RSRC2: variants seen among roughly 807,000 people sequenced by gnomAD.
RSRC2 encodes the protein arginine and serine rich coiled-coil 2.
A neutral mutation model predicts 61.3 loss-of-function variants in RSRC2; 5 were observed. The ratio of observed to expected loss-of-function variants is 0.08; its 90% CI spans 0.04 to 0.17. RSRC2 has a LOEUF of 0.17. Among genes scored for constraint, RSRC2 ranks in the 10% least tolerant of loss-of-function variants. The pLI, the probability that RSRC2 is intolerant of heterozygous loss-of-function variation, is 1.00. For synonymous variants in RSRC2, 202 were observed against 166.5 expected (o/e 1.21, Z -1.64); for missense variants, 381 against 518.8 (o/e 0.73, Z 2.58).
intron 1 of RSRC2, chr12:122,523,282 G>C (rs1959507678): frequency 6.6e-6 from 1 of 152,216 alleles, no homozygotes; most frequent in Non-Finnish European, 1.5e-5. Flanking sequence ...TTGGGAGGTT[G>C]AGGCAGGCGG....
intron 7 of RSRC2, among the ~76,000 whole-genome samples, chr12:122,510,797 A>G (rs1958446735): frequency 6.6e-6 from 1 of 152,364 alleles, no homozygotes; most frequent in Admixed American, 6.5e-5. Flanking sequence ...CTGCAATCCC[A>G]GCACTTTGGG....
chr12:122,517,568 G>T, intron 4 of RSRC2, 138 bp from the exon 5 acceptor site: 2 of 1,035,798 alleles, frequency 1.9e-6, no homozygotes, highest in Non-Finnish European at 2.8e-6. Flanking sequence ...AAATAAGCGA[G>T]ATTTTCAAAG....
At position 122,503,943 on chromosome 12, in the gene RSRC2, G is replaced by C. The variant is rs1957996276; in HGVS notation, c.*1584C>G. 1 of 151,972 alleles carries C rather than the reference G, an allele frequency of 6.6e-6. No individual in the cohort carries two copies. The highest frequency in any genetic ancestry group is 1.9e-4 in the East Asian group (1 of 5,190). 9.4% of individuals were successfully genotyped at this position (151,972 alleles called of 1,614,324 possible). On this transcript the variant is annotated 3_prime_UTR_variant, in exon 10 of 10. Transcript: ENST00000331738. ...ATAAAAAATTAAAAACAAGCTAGGTGTGTTGGTGAGCACCTGTGGTCCCAG... is the reference window on the plus strand; with the variant it reads ...ATAAAAAATTAAAAACAAGCTAGGTCTGTTGGTGAGCACCTGTGGTCCCAG...
chr12:122,505,998 C>T (rs772879692), intron 9 of RSRC2, among the ~76,000 whole-genome samples: 4 of 151,208 alleles, frequency 2.6e-5, no homozygotes, highest in Non-Finnish European at 4.4e-5. Context: ...AGGCTGGTCT[C>T]GAACTCCTGA....
rs1033291901 is a variant in RSRC2, at chr12:122,521,143, T to C, written c.207+242A>G. 7.1e-6 allele frequency: 3 copies of C among 422,088 alleles called. No individual in the cohort carries two copies. In the Admixed American group the frequency reaches 1.2e-4, roughly 16 times the overall value. The allele number at this position is 422,088 out of a possible 1,614,324, so 26.1% of individuals were successfully genotyped here. ...CTAAAAAAACCAATCATATTCTTCA[T>C]ATGAAATTTTTATTGTGAATATTTT... is the stretch of plus-strand genomic sequence containing the variant. On this transcript the variant is annotated intron_variant, in intron 3 of 9. Coordinates refer to ENST00000331738, the MANE Select transcript of RSRC2 (RefSeq NM_023012.6).
At position 122,505,587 on chromosome 12, in the gene RSRC2, G is replaced by A. The variant is rs2137402378; in HGVS notation, c.1245C>T (p.His415=). 3 of 1,614,032 alleles carry A rather than the reference G, an allele frequency of 1.9e-6. No homozygotes were observed. Among genetic ancestry groups the A allele is most frequent in the African/African-American group, 2.7e-5 (2 of 75,030 alleles). The part of the protein sequence containing the change: ...AQYEMARSQT[H]TQRGMGLGFT... ...AACCCAAACCCATTCCTCTTTGTGT[G>A]TGGGTTTGTGATCTTGCCATTTCAT... The change falls in exon 10 of 10, where the codon CAC becomes CAT. Residue 415 remains histidine (H), a synonymous_variant. Coordinates refer to ENST00000331738, the MANE Select transcript of RSRC2 (RefSeq NM_023012.6).
Position 122,526,880 on chromosome 12 carries a change from G to A in RSRC2, c.-27C>T, listed in dbSNP as rs771017792. On this transcript the variant is annotated 5_prime_UTR_variant, in exon 1 of 10. Coordinates refer to ENST00000331738, the MANE Select transcript of RSRC2 (RefSeq NM_023012.6). ...GTTCAGAGTCCCGGCCGCTAGAGCG[G>A]CGCCTCCACTTGTCGCTTTCAACAG... The A allele has an allele frequency of 1.2e-5, 20 of 1,614,140 alleles. No homozygotes were observed. The highest frequency in any genetic ancestry group is 1.7e-5 in the Non-Finnish European group (20 of 1,179,948).
intron 4 of RSRC2, among the ~76,000 whole-genome samples, chr12:122,517,988 C>T (rs1231031271): frequency 6.6e-6 from 1 of 152,166 alleles, no homozygotes; most frequent in Admixed American, 6.5e-5. Context: ...TTTTCAGTGC[C>T]AGACAGATTA....
At chr12:122,508,170 A>T in intron 8 of RSRC2, 48 bp downstream of exon 8, 1 of 1,532,006 alleles carries the variant, frequency 6.5e-7, no homozygotes, top group Non-Finnish European at 9.0e-7. Flanking sequence ...TTTCTAAGCA[A>T]TTACTAATTA....
chr12:122,516,248 TATGTAA>T (rs1958914158), intron 5 of RSRC2, among the ~76,000 whole-genome samples: 3 of 152,186 alleles, frequency 2.0e-5, no homozygotes, highest in Admixed American at 2.0e-4. Context: ...ACTACTGTCA[TATGTAA>T]ACAAGCAGAG....
intron 1 of RSRC2, chr12:122,526,326 A>G (rs1289317789): frequency 6.4e-6 from 1 of 155,440 alleles, no homozygotes; most frequent in African/African-American, 2.4e-5. Context: ...TAAGGTTTAC[A>G]CGGACGAACA....
At chr12:122,512,737 A>T (rs375592225) in intron 6 of RSRC2, among the ~76,000 whole-genome samples, 1 of 149,156 alleles carries the variant, frequency 6.7e-6, no homozygotes, top group South Asian at 2.1e-4. Context: ...AAAAAAAAAA[A>T]AAGAGGAAAA....
intron 5 of RSRC2, among the ~76,000 whole-genome samples, chr12:122,515,642 C>A (rs1409976936): frequency 6.6e-6 from 1 of 152,180 alleles, no homozygotes; most frequent in Admixed American, 6.5e-5. Flanking sequence ...TACATATTTT[C>A]ATCTACAGTG....
intron 6 of RSRC2, chr12:122,514,817 A>C: frequency 1.2e-6 from 1 of 801,514 alleles, no homozygotes; most frequent in Non-Finnish European, 1.7e-6. Context: ...GACTCAAAAA[A>C]AAAAAGTTTC....
intron 3 of RSRC2, chr12:122,521,103 C>T (rs1959195399): frequency 3.0e-6 from 1 of 328,452 alleles, no homozygotes; most frequent in African/African-American, 2.1e-5. Flanking sequence ...TTAATGGAAG[C>T]TCTGTGTGAC....
At chr12:122,524,569 A>G (rs1416762526) in intron 1 of RSRC2, among the ~76,000 whole-genome samples, 1 of 152,220 alleles carries the variant, frequency 6.6e-6, no homozygotes, top group African/African-American at 2.4e-5. Context: ...TGGACAACAG[A>G]GAAACCTCCC....
Position 122,515,247 on chromosome 12 carries a change from A to G in RSRC2, c.603-20T>C, listed in dbSNP as rs2137487665. On this transcript the variant is annotated intron_variant, in intron 5 of 9. Coordinates refer to ENST00000331738, the MANE Select transcript of RSRC2 (RefSeq NM_023012.6). ...CTATCTCTGTAGTAAATCGTATTTC[A>G]TATGTCAAATTATGGCCAAGTCATA... 1.2e-6 allele frequency: 2 copies of G among 1,607,702 alleles called. No individual in the cohort carries two copies. The highest frequency in any genetic ancestry group is 8.5e-7 in the Non-Finnish European group (1 of 1,177,094).
intron 1 of RSRC2, among the ~76,000 whole-genome samples, chr12:122,525,021 G>C (rs1461618396): frequency 1.3e-5 from 2 of 152,128 alleles, no homozygotes; most frequent in African/African-American, 4.8e-5. Flanking sequence ...TTCTCTAGGG[G>C]ACTGTCTTTT....
chr12:122,525,635 C>T (rs1392830236), intron 1 of RSRC2, among the ~76,000 whole-genome samples: 3 of 152,034 alleles, frequency 2.0e-5, no homozygotes, highest in Admixed American at 2.0e-4. Flanking sequence ...ATTTTTTAGT[C>T]AGTAAAAAGG....
Sources: allele counts gnomAD v4.1 joint callset (sites outside exome capture counted in the v4.1 genomes callset), GRCh38; gene constraint gnomAD v4.1.1; transcripts MANE v1.5; gene names NCBI Gene and HGNC (gene_info 2026-07-23, HGNC 2026-07-21).